STRN3: variants seen among roughly 807,000 people sequenced by gnomAD.
STRN3 encodes striatin-3.
In STRN3, 29 loss-of-function variants were observed where a neutral mutation model predicts 95.6. The ratio of observed to expected loss-of-function variants is 0.30; its 90% CI spans 0.23 to 0.41. STRN3 has a LOEUF of 0.41. Ranked by LOEUF, STRN3 falls within the 10% of genes least tolerant of loss-of-function variation. STRN3 has a pLI of 1.00. For missense variants in STRN3, 890 were observed against 972.1 expected (o/e 0.92, Z 1.12); for synonymous variants, 331 against 357.6 (o/e 0.93, Z 0.84).
At chr14:30,990,336 T>G (rs1481160496) in intron 1 of STRN3, among the ~76,000 whole-genome samples, 1 of 151,584 alleles carries the variant, frequency 6.6e-6, no homozygotes, top group Non-Finnish European at 1.5e-5. Flanking sequence ...CGGCTAATTT[T>G]TTTTTGCATT....
intron 8 of STRN3, among the ~76,000 whole-genome samples, chr14:30,927,215 A>C (rs901804913): frequency 2.0e-5 from 3 of 152,130 alleles, no homozygotes; most frequent in Admixed American, 6.5e-5. Flanking sequence ...CAGGAGGCTG[A>C]GGTGGGAGGA....
intron 3 of STRN3, among the ~76,000 whole-genome samples, chr14:30,954,504 G>A (rs1879806804): frequency 2.0e-5 from 3 of 151,992 alleles, no homozygotes; most frequent in East Asian, 1.9e-4. Flanking sequence ...TTGTTCACAC[G>A]ATATACTTCT....
Position 30,895,543 on chromosome 14 carries a change from GCTGT to G in STRN3, c.2258_2261del (p.Asp753AlafsTer8). 6.2e-7 allele frequency: 1 copy of G among 1,613,918 alleles called. No homozygotes were observed. The highest frequency in any genetic ancestry group is 8.5e-7 in the Non-Finnish European group (1 of 1,179,924). On this transcript the variant is annotated frameshift_variant, in exon 18 of 18. Coordinates refer to ENST00000357479, the MANE Select transcript of STRN3 (RefSeq NM_001083893.2). LOFTEE classifies it high-confidence loss of function. ...CTGTTATTTCTTGCACACATGTCTT[GCTGT>G]CTAAATTCCATAATCTGATGGAACA...
intron 8 of STRN3, among the ~76,000 whole-genome samples, chr14:30,919,744 T>C (rs944726828): frequency 1.6e-4 from 25 of 152,166 alleles, no homozygotes; most frequent in African/African-American, 6.0e-4. Context: ...GAGTTTCTCA[T>C]AATGATATGA....
rs559386594 is a variant in STRN3, at chr14:30,976,731, C to A, written c.283-20489G>T. ...TAACAGAAAGACAATTAGAAAATCC[C>A]AGCATATAGGAAATTAAACATACTT... On this transcript the variant is annotated intron_variant, in intron 1 of 17. Coordinates refer to ENST00000357479, the MANE Select transcript of STRN3 (RefSeq NM_001083893.2). Among the ~76,000 whole-genome samples the A allele has an allele frequency of 1.1e-4, 17 of 152,298 alleles. No homozygotes were observed. In the East Asian group the frequency reaches 3.3e-3, roughly 29 times the overall value.
chr14:30,930,765 C>A (rs1430471129), intron 7 of STRN3, among the ~76,000 whole-genome samples: 2 of 152,108 alleles, frequency 1.3e-5, no homozygotes, highest in African/African-American at 4.8e-5. Flanking sequence ...AATTATGCTG[C>A]ATCAGGAATC....
chr14:30,947,025 A>T (rs1010918219), intron 5 of STRN3, 65 bp downstream of exon 5: 95 of 1,269,186 alleles, frequency 7.5e-5, no homozygotes, highest in Non-Finnish European at 9.3e-5. Context: ...CAAGGAGCTA[A>T]AGAGATTAAC....
At chr14:30,899,264 C>T (rs545002220) in intron 16 of STRN3, among the ~76,000 whole-genome samples, 6 of 152,322 alleles carry the variant, frequency 3.9e-5, no homozygotes, top group Admixed American at 3.9e-4. Context: ...CACTCACTAC[C>T]TAAGTCTTTC....
chr14:30,936,111 A>C (rs928149351), intron 6 of STRN3, among the ~76,000 whole-genome samples: 5 of 152,268 alleles, frequency 3.3e-5, no homozygotes, highest in African/African-American at 9.6e-5. Context: ...TTTATAATTC[A>C]CAGATTACTC....
chr14:30,980,662 A>C (rs964712414), intron 1 of STRN3, among the ~76,000 whole-genome samples: 29 of 152,044 alleles, frequency 1.9e-4, no homozygotes, highest in Non-Finnish European at 2.2e-4. Flanking sequence ...CGGCCTCCCA[A>C]AGTGCTGGGA....
At chr14:31,003,599 G>A (rs1023885868) in intron 1 of STRN3, among the ~76,000 whole-genome samples, 4 of 152,002 alleles carry the variant, frequency 2.6e-5, no homozygotes, top group African/African-American at 7.3e-5. Context: ...ATCTCTGTAC[G>A]CACTGCTTTC....
chr14:31,023,661 A>C (rs1883619487), intron 1 of STRN3, among the ~76,000 whole-genome samples: 1 of 152,114 alleles, frequency 6.6e-6, no homozygotes, highest in Admixed American at 6.5e-5. Flanking sequence ...AATAGGTTTA[A>C]GTTTACAGTA....
intron 8 of STRN3, among the ~76,000 whole-genome samples, chr14:30,921,433 A>T (rs1445532724): frequency 5.3e-5 from 8 of 152,132 alleles, no homozygotes; most frequent in Admixed American, 1.3e-4. Flanking sequence ...AAATTATATA[A>T]TATTATTTAC....
chr14:30,900,628 C>G (rs1896287018), intron 16 of STRN3, among the ~76,000 whole-genome samples: 2 of 151,638 alleles, frequency 1.3e-5, no homozygotes, highest in Non-Finnish European at 2.9e-5. Flanking sequence ...CCCTGTAGTC[C>G]CACCCAGCTA....
chr14:30,994,997 G>A (rs1882132670), intron 1 of STRN3, among the ~76,000 whole-genome samples: 1 of 152,188 alleles, frequency 6.6e-6, no homozygotes, highest in Non-Finnish European at 1.5e-5. Flanking sequence ...ACAGTTATGA[G>A]TCAAATGATC....
At chr14:30,995,004 G>T (rs1882132800) in intron 1 of STRN3, among the ~76,000 whole-genome samples, 2 of 152,192 alleles carry the variant, frequency 1.3e-5, no homozygotes, top group Non-Finnish European at 2.9e-5. Context: ...TGAGTCAAAT[G>T]ATCTAGAATA....
chr14:31,014,885 T>C (rs1883168497), intron 1 of STRN3: 1 of 379,464 alleles, frequency 2.6e-6, no homozygotes, highest in Non-Finnish European at 5.0e-6. Flanking sequence ...TAAAGTACAA[T>C]GGTGCAATCT....
intron 8 of STRN3, among the ~76,000 whole-genome samples, chr14:30,923,421 G>C (rs889901924): frequency 3.9e-5 from 6 of 152,088 alleles, no homozygotes; most frequent in African/African-American, 1.4e-4. Flanking sequence ...CAAATGTATT[G>C]ATAATCAGGC....
At chr14:30,956,311 A>G in intron 1 of STRN3, 69 bp from the exon 2 acceptor site, 1 of 1,399,568 alleles carries the variant, frequency 7.1e-7, no homozygotes, top group Non-Finnish European at 1.0e-6. Flanking sequence ...AAAAATGGAA[A>G]ACGATAAACA....
Sources: gnomAD v4.1 joint callset for allele counts (sites outside exome capture counted in the v4.1 genomes callset) on GRCh38, gnomAD v4.1.1 for gene constraint, MANE v1.5 for transcripts, NCBI Gene and HGNC (gene_info 2026-07-23, HGNC 2026-07-21) for gene names.